Variants in EPHA6 observed in about 807,000 individuals in gnomAD.
EPHA6 encodes EPH receptor A6, also known as ephrin type-A receptor 6.
In EPHA6, 50 loss-of-function variants were observed where a neutral mutation model predicts 112.0. The observed-to-expected ratio is 0.45, with a 90% CI of 0.36 to 0.56. The LOEUF (loss-of-function observed/expected upper bound fraction) is 0.56. Ranked by LOEUF, EPHA6 falls within the 20% of genes least tolerant of loss-of-function variation. EPHA6 has a pLI of 0.00. For missense variants in EPHA6, 1,280 were observed against 1,417.4 expected (o/e 0.90, Z 1.56); for synonymous variants, 529 against 490.7 (o/e 1.08, Z -1.03).
At chr3:97,193,639 T>C (rs563947320) in intron 3 of EPHA6, among the ~76,000 whole-genome samples, 3 of 152,118 alleles carry the variant, frequency 2.0e-5, no homozygotes, top group South Asian at 2.1e-4. Flanking sequence ...CTTTCTCTTA[T>C]CTGATTGCTC....
intron 3 of EPHA6, among the ~76,000 whole-genome samples, chr3:97,222,122 T>C (rs1189235933): frequency 1.3e-5 from 2 of 152,028 alleles, no homozygotes; most frequent in Non-Finnish European, 2.9e-5. Context: ...TATGTGATAT[T>C]GAGGCCCATC....
intron 5 of EPHA6, among the ~76,000 whole-genome samples, chr3:97,291,226 T>G (rs902605156): frequency 6.6e-6 from 1 of 152,220 alleles, no homozygotes. Context: ...TATTTCATTG[T>G]TGTCTGATAA....
chr3:97,522,104 G>A (rs918779540), intron 10 of EPHA6, among the ~76,000 whole-genome samples: 3 of 151,234 alleles, frequency 2.0e-5, no homozygotes, highest in Non-Finnish European at 4.4e-5. Flanking sequence ...TTTTAAAATG[G>A]TCTTACTATG....
chr3:96,819,139 A>G (rs181538385), intron 1 of EPHA6, among the ~76,000 whole-genome samples: 87 of 152,164 alleles, frequency 5.7e-4, no homozygotes, highest in Middle Eastern at 6.8e-3. Flanking sequence ...CAAACAAAAA[A>G]TAACTTAAAT....
intron 3 of EPHA6, among the ~76,000 whole-genome samples, chr3:97,128,030 T>C (rs963150923): frequency 1.3e-5 from 2 of 152,122 alleles, no homozygotes; most frequent in African/African-American, 4.8e-5. Flanking sequence ...CACTTCTGAG[T>C]CTCCGGTGTC....
intron 11 of EPHA6, among the ~76,000 whole-genome samples, chr3:97,552,985 G>T (rs1488290360): frequency 2.0e-5 from 3 of 152,118 alleles, no homozygotes; most frequent in Non-Finnish European, 2.9e-5. Context: ...ATTCACTAGT[G>T]TCTTGGATTA....
chr3:97,132,031 G>A (rs28723436), intron 3 of EPHA6, among the ~76,000 whole-genome samples: 47,745 of 151,812 alleles, frequency 0.31, 9,255 homozygotes, highest in African/African-American at 0.54. Context: ...GCACTAGAAT[G>A]ATGTAATATT....
intron 10 of EPHA6, among the ~76,000 whole-genome samples, chr3:97,523,616 G>A (rs1018214823): frequency 3.3e-5 from 5 of 151,926 alleles, no homozygotes; most frequent in African/African-American, 9.7e-5. Context: ...CGTTGAAAGT[G>A]CAGTATTTAC....
At chr3:97,444,941 G>A (rs1342542839) in intron 6 of EPHA6, among the ~76,000 whole-genome samples, 1 of 152,044 alleles carries the variant, frequency 6.6e-6, no homozygotes, top group Non-Finnish European at 1.5e-5. Flanking sequence ...CTTGGAAGGA[G>A]CAGTGCCTAA....
intron 6 of EPHA6, among the ~76,000 whole-genome samples, chr3:97,411,123 A>G (rs1381757554): frequency 6.6e-6 from 1 of 151,940 alleles, no homozygotes; most frequent in East Asian, 1.9e-4. Context: ...GGTACTAATT[A>G]AAACAGCATT....
chr3:97,474,749 T>G (rs940089861), intron 7 of EPHA6, among the ~76,000 whole-genome samples: 2 of 152,002 alleles, frequency 1.3e-5, no homozygotes, highest in African/African-American at 4.8e-5. Flanking sequence ...CCATATATAA[T>G]CTGGTCTTTT....
At chr3:97,410,358 C>G (rs1339152439) in intron 6 of EPHA6, among the ~76,000 whole-genome samples, 1 of 151,972 alleles carries the variant, frequency 6.6e-6, no homozygotes, top group African/African-American at 2.4e-5. Context: ...ATCTTTCCTT[C>G]TTATATGCTG....
chr3:97,102,385 A>C (rs2047430255), intron 3 of EPHA6, among the ~76,000 whole-genome samples: 1 of 152,066 alleles, frequency 6.6e-6, no homozygotes, highest in Admixed American at 6.6e-5. Flanking sequence ...AGATACAATA[A>C]AATTATTGTT....
At chr3:97,545,171 A>G (rs917827396) in intron 11 of EPHA6, among the ~76,000 whole-genome samples, 6 of 151,990 alleles carry the variant, frequency 3.9e-5, no homozygotes, top group African/African-American at 7.2e-5. Flanking sequence ...TGTCAATTTT[A>G]GATCTTTCCT....
At chr3:97,207,811 A>G (rs1354897641) in intron 3 of EPHA6, among the ~76,000 whole-genome samples, 1 of 152,164 alleles carries the variant, frequency 6.6e-6, no homozygotes, top group Non-Finnish European at 1.5e-5. Flanking sequence ...AGGTTCATGA[A>G]ATGCTAGAAC....
chr3:97,265,188 G>T (rs1374930848), intron 5 of EPHA6, among the ~76,000 whole-genome samples: 1 of 152,114 alleles, frequency 6.6e-6, no homozygotes, highest in African/African-American at 2.4e-5. Context: ...GCCCAAAAAA[G>T]GTATCACAAG....
chr3:97,472,018 C>G (rs1049120641), intron 7 of EPHA6, among the ~76,000 whole-genome samples: 3 of 151,686 alleles, frequency 2.0e-5, no homozygotes, highest in Admixed American at 1.3e-4. Flanking sequence ...TTACATGTGT[C>G]TTTACATGGC....
At chr3:96,950,664 CTT>C (rs1223140802) in intron 2 of EPHA6, among the ~76,000 whole-genome samples, 4 of 152,072 alleles carry the variant, frequency 2.6e-5, no homozygotes, top group Non-Finnish European at 5.9e-5. Flanking sequence ...TTTGTTAACT[CTT>C]GAGCCTCCTG....
At chr3:97,321,573 G>C (rs1444786337) in intron 5 of EPHA6, among the ~76,000 whole-genome samples, 1 of 151,814 alleles carries the variant, frequency 6.6e-6, no homozygotes, top group Admixed American at 6.6e-5. Flanking sequence ...TACCTTGGGA[G>C]ACAAATAGAG....
Sources: allele counts gnomAD v4.1 joint callset (sites outside exome capture counted in the v4.1 genomes callset), GRCh38; gene constraint gnomAD v4.1.1; transcripts MANE v1.5; gene names NCBI Gene and HGNC (gene_info 2026-07-23, HGNC 2026-07-21).